Variants in XXYLT1 observed in about 807,000 individuals in gnomAD.
XXYLT1 encodes xyloside xylosyltransferase 1.
A neutral mutation model predicts 28.9 loss-of-function variants in XXYLT1; 20 were observed. That is an observed-to-expected ratio of 0.69 (90% CI 0.49 to 1.00). XXYLT1 has a LOEUF of 1.00. Among genes scored for constraint, XXYLT1 ranks in the 50% least tolerant of loss-of-function variants. The probability of loss-of-function intolerance (pLI) is 0.00; values close to 1 mark genes in which losing one functional copy is unlikely to be tolerated. For synonymous variants in XXYLT1, 257 were observed against 253.8 expected (o/e 1.01, Z -0.12); for missense variants, 542 against 560.1 (o/e 0.97, Z 0.33).
In XXYLT1 at chr3:195,173,100, C is replaced by T. The variant is rs561233768; in HGVS notation, c.653-16519G>A. Among the ~76,000 whole-genome samples the T allele has an allele frequency of 4.7e-4, 72 of 152,170 alleles. No homozygotes were observed. The highest frequency in any genetic ancestry group is 1.0e-3 in the Admixed American group (16 of 15,288). On this transcript the variant is annotated intron_variant, in intron 2 of 3. Transcript: ENST00000310380. This position sits in a 1 kb window ranked among gnomAD's most constrained non-coding sequence, Gnocchi z 4.3. ...CTCCATGCCTCTACCCTGATCCTGG[C>T]GTCCTGGTACACATCTTGCAAGTCC...
At chr3:195,269,851 G>C (rs1725959805) in intron 1 of XXYLT1, among the ~76,000 whole-genome samples, 1 of 152,212 alleles carries the variant, frequency 6.6e-6, no homozygotes, top group African/African-American at 2.4e-5. Flanking sequence ...AGGCAGTGAA[G>C]ACAGATGATA....
rs147455942 is a variant in XXYLT1, at chr3:195,089,641, G to A, written c.786-19530C>T. On this transcript the variant is annotated intron_variant, in intron 3 of 3. Transcript: ENST00000310380. ...AACTAACGAGCACAATAACCAGCTA[G>A]CATCATAATGACAGGATCAAATTCA... 5.3e-3 allele frequency among the ~76,000 whole-genome samples: 808 copies of A among 151,960 alleles called. 3 individuals carry two copies. The highest frequency in any genetic ancestry group is 0.019 in the African/African-American group (778 of 41,400).
chr3:195,169,191 C>T (rs1016927557), intron 2 of XXYLT1, among the ~76,000 whole-genome samples: 6 of 152,262 alleles, frequency 3.9e-5, no homozygotes, highest in East Asian at 3.8e-4. Context: ...CGCGGCAACG[C>T]GCTTAGCAGA....
Position 195,214,058 on chromosome 3 carries a change from G to C in XXYLT1, c.652+12651C>G, listed in dbSNP as rs79888758. ...GAATGCAGAACTCTCTGGTAAACCAGGTTAGAGAATGTGGCTTAGGCTCAA... is the reference window on the plus strand; with the variant it reads ...GAATGCAGAACTCTCTGGTAAACCACGTTAGAGAATGTGGCTTAGGCTCAA... On this transcript the variant is annotated intron_variant, in intron 2 of 3. Transcript: ENST00000310380. 1.9e-3 allele frequency among the ~76,000 whole-genome samples: 286 copies of C among 152,324 alleles called. 1 individual carries two copies. The highest frequency in any genetic ancestry group is 6.7e-3 in the African/African-American group (279 of 41,564).
At chr3:195,140,025 A>G (rs1318923178) in intron 3 of XXYLT1, among the ~76,000 whole-genome samples, 1 of 152,204 alleles carries the variant, frequency 6.6e-6, no homozygotes, top group Non-Finnish European at 1.5e-5. Context: ...TCTGGAGTAC[A>G]TGAACACAGG....
At chr3:195,172,568 T>TGG (rs1721462149) in intron 2 of XXYLT1, among the ~76,000 whole-genome samples, 1 of 152,112 alleles carries the variant, frequency 6.6e-6, no homozygotes, top group African/African-American at 2.4e-5. Context: ...ACCCCTACTG[T>TGG]GAACCAGGCA....
intron 2 of XXYLT1, among the ~76,000 whole-genome samples, chr3:195,200,948 A>G (rs1165485083): frequency 6.6e-6 from 1 of 152,164 alleles, no homozygotes; most frequent in Non-Finnish European, 1.5e-5. Flanking sequence ...AGAGATGTAC[A>G]TTGAAGTTAC....
In XXYLT1 at chr3:195,115,981, A is replaced by G. The variant is rs929256348; in HGVS notation, c.785+40468T>C. On this transcript the variant is annotated intron_variant, in intron 3 of 3. Transcript: ENST00000310380. This position sits in a 1 kb window ranked among gnomAD's most constrained non-coding sequence, Gnocchi z 4.2. ...CTCAAGTCAGGCAGCTGAAGCATGCACTATTTGCCACAAACGGAGTCGGGC... is the reference window on the plus strand; with the variant it reads ...CTCAAGTCAGGCAGCTGAAGCATGCGCTATTTGCCACAAACGGAGTCGGGC... 1.3e-5 allele frequency among the ~76,000 whole-genome samples: 2 copies of G among 152,134 alleles called. No individual in the cohort carries two copies. Among genetic ancestry groups the G allele is most frequent in the Non-Finnish European group, 2.9e-5 (2 of 68,032 alleles).
intron 3 of XXYLT1, among the ~76,000 whole-genome samples, chr3:195,138,857 G>GAAAAAAAAAAAAAAAAAAAAAAA (rs552573280): frequency 1.2e-5 from 1 of 84,160 alleles, no homozygotes; most frequent in Non-Finnish European, 2.4e-5. Flanking sequence ...TCTGCCTCAG[G>GAAAAAAAAAAAAAAAAAAAAAAA]AAAAAAAAAA....
chr3:195,257,614 T>C lies in XXYLT1; in HGVS notation c.504+12941A>G, dbSNP rs924143454. On this transcript the variant is annotated intron_variant, in intron 1 of 3. Coordinates refer to ENST00000310380, the MANE Select transcript of XXYLT1 (RefSeq NM_152531.5). This position sits in a 1 kb window ranked among gnomAD's most constrained non-coding sequence, Gnocchi z 4.3. ...TGGATCACCATGGCAGCCAGGTACA[T>C]CCTGGCTGGGCCGGCACGGGCCCCG... 7.9e-5 allele frequency among the ~76,000 whole-genome samples: 12 copies of C among 152,004 alleles called. No individual in the cohort carries two copies. Among genetic ancestry groups the C allele is most frequent in the African/African-American group, 2.9e-4 (12 of 41,378 alleles).
In XXYLT1 at chr3:195,077,031, C is replaced by A. The variant is rs1438921419; in HGVS notation, c.786-6920G>T. On this transcript the variant is annotated intron_variant, in intron 3 of 3. Transcript: ENST00000310380. The surrounding 1 kb of genome is among the most constrained non-coding windows in gnomAD (Gnocchi z 4.8). ...CAGCAATGAAGATGGAGAAAAACAC[C>A]ACAGCTCACTGGTACCTTGTTCTCA... is the stretch of plus-strand genomic sequence containing the variant. 6.6e-6 allele frequency among the ~76,000 whole-genome samples: 1 copy of A among 152,156 alleles called. No homozygotes were observed. The highest frequency in any genetic ancestry group is 1.5e-5 in the Non-Finnish European group (1 of 68,030).
chr3:195,160,849 G>T (rs1415868852), intron 2 of XXYLT1, among the ~76,000 whole-genome samples: 3 of 152,260 alleles, frequency 2.0e-5, no homozygotes, highest in Non-Finnish European at 4.4e-5. Flanking sequence ...TGTGCGGTTG[G>T]AATTGGCGGT....
intron 2 of XXYLT1, among the ~76,000 whole-genome samples, chr3:195,226,300 AT>A (rs1724048924): frequency 6.6e-6 from 1 of 152,216 alleles, no homozygotes; most frequent in Non-Finnish European, 1.5e-5. Context: ...TAGATTTGCT[AT>A]TTTAAAATCA....
chr3:195,199,815 C>G (rs1353175381), intron 2 of XXYLT1, among the ~76,000 whole-genome samples: 1 of 152,126 alleles, frequency 6.6e-6, no homozygotes, highest in Non-Finnish European at 1.5e-5. Flanking sequence ...TTCCCTGGGT[C>G]CCATGTGTCC....
chr3:195,154,318 A>T (rs192278488), intron 3 of XXYLT1, among the ~76,000 whole-genome samples: 2 of 152,264 alleles, frequency 1.3e-5, no homozygotes, highest in Admixed American at 1.3e-4. Context: ...AAGCATGTGC[A>T]CTAGGAGGCA....
intron 1 of XXYLT1, chr3:195,247,711 T>G (rs1029114021): frequency 7.3e-6 from 5 of 681,300 alleles, no homozygotes; most frequent in Admixed American, 4.1e-5. Flanking sequence ...GTTCTCACAC[T>G]GCTGTAAAGA....
chr3:195,246,579 A>AAATGAGAGG (rs1198740957), intron 1 of XXYLT1, among the ~76,000 whole-genome samples: 2 of 152,218 alleles, frequency 1.3e-5, no homozygotes, highest in African/African-American at 4.8e-5. Flanking sequence ...CTCAGGGGAA[A>AAATGAGAGG]AATGAGAGGA....
rs1047029273 is a variant in XXYLT1, at chr3:195,133,070, T to C, written c.785+23379A>G. Among the ~76,000 whole-genome samples, 3 of 152,120 alleles carry C rather than the reference T, an allele frequency of 2.0e-5. No homozygotes were observed. Among genetic ancestry groups the C allele is most frequent in the Admixed American group, 6.6e-5 (1 of 15,264 alleles). ...CAACATCATAAATAAAAAACCCTGC[T>C]TGGGGTGGAGGTGGTGGGCAAGTGT... On this transcript the variant is annotated intron_variant, in intron 3 of 3. Transcript: ENST00000310380. The surrounding 1 kb of genome is among the most constrained non-coding windows in gnomAD (Gnocchi z 4.4).
chr3:195,240,369 C>T lies in XXYLT1; in HGVS notation c.505-13513G>A, dbSNP rs1724722694. Among the ~76,000 whole-genome samples the T allele has an allele frequency of 6.6e-6, 1 of 152,234 alleles. No individual in the cohort carries two copies. Among genetic ancestry groups the T allele is most frequent in the Admixed American group, 6.5e-5 (1 of 15,292 alleles). ...TCTTTGCCACCCAGCCCTGTGCTCG[C>T]TGGCACTGAGATGCCTGAGAGCCAG... On this transcript the variant is annotated intron_variant, in intron 1 of 3. Transcript: ENST00000310380. The surrounding 1 kb of genome is among the most constrained non-coding windows in gnomAD (Gnocchi z 4.7).
Sources: allele counts gnomAD v4.1 joint callset (sites outside exome capture counted in the v4.1 genomes callset), GRCh38; gene constraint gnomAD v4.1.1; non-coding constraint Gnocchi (gnomAD v3.1); transcripts MANE v1.5; gene names NCBI Gene and HGNC (gene_info 2026-07-23, HGNC 2026-07-21).